The following SPAG16 variants were observed in gnomAD, a reference collection of about 807,000 sequenced individuals.
SPAG16 encodes sperm-associated antigen 16 protein.
A neutral mutation model predicts 80.4 loss-of-function variants in SPAG16; 86 were observed. The ratio of observed to expected loss-of-function variants is 1.07; its 90% CI spans 0.90 to 1.28. SPAG16 has a LOEUF of 1.28. SPAG16 is among the 50% of genes most tolerant of loss of function. The pLI, the probability that SPAG16 is intolerant of heterozygous loss-of-function variation, is 0.00. For synonymous variants in SPAG16, 294 were observed against 265.9 expected, an observed-to-expected ratio of 1.11 and a Z score of -1.03; for missense variants, 870 against 765.3, an observed-to-expected ratio of 1.14 and a Z score of -1.61.
intron 13 of SPAG16, among the ~76,000 whole-genome samples, chr2:214,089,182 T>C (rs2051993255): frequency 6.6e-6 from 1 of 152,060 alleles, no homozygotes. Context: ...TATCCCAGTA[T>C]CTTGCCAGAG....
At chr2:214,144,571 G>T in intron 14 of SPAG16, among the ~76,000 whole-genome samples, 1 of 151,988 alleles carries the variant, frequency 6.6e-6, no homozygotes, top group East Asian at 1.9e-4. Context: ...CCTTCACTTA[G>T]TGTTTACAAC....
At chr2:214,095,325 T>C (rs952799935) in intron 13 of SPAG16, among the ~76,000 whole-genome samples, 1 of 152,044 alleles carries the variant, frequency 6.6e-6, no homozygotes, top group African/African-American at 2.4e-5. Context: ...AGAAACCTTT[T>C]CTCCAGTTCA....
At chr2:214,141,327 C>T (rs1010540377) in intron 14 of SPAG16, among the ~76,000 whole-genome samples, 9 of 152,020 alleles carry the variant, frequency 5.9e-5, no homozygotes, top group Non-Finnish European at 1.0e-4. Context: ...ATTAGCCAGG[C>T]ACGGTGGCAT....
intron 5 of SPAG16, among the ~76,000 whole-genome samples, chr2:213,321,777 T>C (rs915693825): frequency 2.0e-5 from 3 of 152,282 alleles, no homozygotes; most frequent in Non-Finnish European, 4.4e-5. Flanking sequence ...TGAGAACATT[T>C]CTGTATAGAT....
At chr2:213,620,945 T>G (rs2061759873) in intron 10 of SPAG16, among the ~76,000 whole-genome samples, 1 of 151,688 alleles carries the variant, frequency 6.6e-6, no homozygotes, top group African/African-American at 2.4e-5. Context: ...CTCAAGCTCA[T>G]GCTTAACTGG....
At chr2:213,782,034 C>T (rs1231757239) in intron 10 of SPAG16, among the ~76,000 whole-genome samples, 1 of 152,118 alleles carries the variant, frequency 6.6e-6, no homozygotes, top group Non-Finnish European at 1.5e-5. Flanking sequence ...TTGATGGAAA[C>T]CTTCCTGCTT....
At chr2:213,323,216 A>C (rs1448803025) in intron 5 of SPAG16, among the ~76,000 whole-genome samples, 1 of 152,216 alleles carries the variant, frequency 6.6e-6, no homozygotes, top group South Asian at 2.1e-4. Flanking sequence ...CGAGGCGGGC[A>C]GATCACAAGG....
chr2:213,852,777 G>T (rs568212169), intron 10 of SPAG16, among the ~76,000 whole-genome samples: 9 of 152,222 alleles, frequency 5.9e-5, no homozygotes, highest in African/African-American at 1.9e-4. Context: ...GTTATTTTGT[G>T]ATCTGTTCTC....
At chr2:213,827,512 T>A (rs1392601042) in intron 10 of SPAG16, among the ~76,000 whole-genome samples, 3 of 152,142 alleles carry the variant, frequency 2.0e-5, no homozygotes, top group Admixed American at 6.6e-5. Flanking sequence ...TATTTTTGAT[T>A]AGTTCATTTT....
At chr2:213,296,152 C>A in intron 2 of SPAG16, 42 bp downstream of exon 2, 1 of 1,346,322 alleles carries the variant, frequency 7.4e-7, no homozygotes, top group South Asian at 1.2e-5. Flanking sequence ...AAATTTATTG[C>A]AGTCATTCTC....
intron 10 of SPAG16, among the ~76,000 whole-genome samples, chr2:213,665,561 G>A (rs1459677388): frequency 6.6e-6 from 1 of 152,048 alleles, no homozygotes; most frequent in African/African-American, 2.4e-5. Context: ...TTATCTGATA[G>A]TCATGTTCTA....
intron 10 of SPAG16, among the ~76,000 whole-genome samples, chr2:213,556,279 T>C (rs1205314082): frequency 1.2e-5 from 1 of 81,210 alleles, no homozygotes; most frequent in African/African-American, 4.9e-5. Context: ...TCAAAAGATG[T>C]AAGGGGGCTG....
chr2:214,077,213 G>A (rs1204671004), intron 13 of SPAG16, among the ~76,000 whole-genome samples: 1 of 152,182 alleles, frequency 6.6e-6, no homozygotes, highest in Non-Finnish European at 1.5e-5. Flanking sequence ...CTAGGGGCAA[G>A]AATATAACTG....
At chr2:214,086,547 A>G (rs1386790895) in intron 13 of SPAG16, among the ~76,000 whole-genome samples, 1 of 152,080 alleles carries the variant, frequency 6.6e-6, no homozygotes, top group Non-Finnish European at 1.5e-5. Flanking sequence ...ATGGTTTTAT[A>G]AGAGGCATTT....
intron 5 of SPAG16, among the ~76,000 whole-genome samples, chr2:213,318,578 T>G (rs1245432498): frequency 6.6e-6 from 1 of 151,918 alleles, no homozygotes; most frequent in Non-Finnish European, 1.5e-5. Flanking sequence ...AAACCCAGAC[T>G]TCATCACTAT....
At chr2:213,760,711 A>C (rs1015316929) in intron 10 of SPAG16, among the ~76,000 whole-genome samples, 1 of 152,208 alleles carries the variant, frequency 6.6e-6, no homozygotes, top group African/African-American at 2.4e-5. Context: ...GATCCTAAGA[A>C]GATTGTCTTA....
At chr2:213,506,101 C>T (rs994498775) in intron 10 of SPAG16, among the ~76,000 whole-genome samples, 22 of 151,932 alleles carry the variant, frequency 1.4e-4, no homozygotes, top group African/African-American at 5.1e-4. Flanking sequence ...AAGTTACCTT[C>T]TAGAATTAAA....
rs1270155168 is a variant in SPAG16, at chr2:214,041,991, T to TAC, written c.1527+27915_1527+27916insCA. ...GTGTCTGTGTGTGTATATATATATA[T>TAC]ATATATATATATATATACACACACA... On this transcript the variant is annotated intron_variant, in intron 13 of 15. Coordinates refer to ENST00000331683, the MANE Select transcript of SPAG16 (RefSeq NM_024532.5). Among the ~76,000 whole-genome samples the TAC allele has an allele frequency of 1.1e-3, 137 of 127,268 alleles. 1 individual carries two copies. Among genetic ancestry groups the TAC allele is most frequent in the Admixed American group, 3.2e-3 (41 of 12,674 alleles). 83.5% of individuals were successfully genotyped at this position (127,268 alleles called of 152,430 possible).
chr2:213,863,992 A>G (rs1330004377), intron 11 of SPAG16, among the ~76,000 whole-genome samples: 1 of 152,146 alleles, frequency 6.6e-6, no homozygotes, highest in Non-Finnish European at 1.5e-5. Context: ...AGGGGAGAAA[A>G]TAAATATAAC....
Sources: allele counts gnomAD v4.1 joint callset (sites outside exome capture counted in the v4.1 genomes callset), GRCh38; gene constraint gnomAD v4.1.1; transcripts MANE v1.5; gene names NCBI Gene and HGNC (gene_info 2026-07-23, HGNC 2026-07-21).